Variants in RELN observed in about 807,000 individuals in gnomAD.
RELN encodes the protein reelin.
In RELN, 108 loss-of-function variants were observed where a neutral mutation model predicts 427.6. The observed-to-expected ratio is 0.25, with a 90% confidence interval of 0.22 to 0.30. The LOEUF (loss-of-function observed/expected upper bound fraction) is 0.30. Ranked by LOEUF, RELN falls within the 10% of genes least tolerant of loss-of-function variation. The pLI, the probability that RELN is intolerant of heterozygous loss-of-function variation, is 1.00. For missense variants in RELN, 3,715 were observed against 4,302.8 expected, an observed-to-expected ratio of 0.86 and a Z score of 3.82; for synonymous variants, 1,524 against 1,513.4, an observed-to-expected ratio of 1.01 and a Z score of -0.16.
At chr7:103,587,914 G>C (rs1831314582) in intron 28 of RELN, among the ~76,000 whole-genome samples, 1 of 152,086 alleles carries the variant, frequency 6.6e-6, no homozygotes, top group South Asian at 2.1e-4. Context: ...ATGAAGAAAA[G>C]GGAACTCTTA....
At chr7:103,624,639 G>T (rs945703167) in intron 20 of RELN, among the ~76,000 whole-genome samples, 2 of 152,104 alleles carry the variant, frequency 1.3e-5, no homozygotes, top group Non-Finnish European at 2.9e-5. Flanking sequence ...GGTTGGCCAG[G>T]CTGGTCTCGA....
intron 51 of RELN, among the ~76,000 whole-genome samples, chr7:103,507,029 T>C (rs888154351): frequency 2.6e-5 from 4 of 152,304 alleles, no homozygotes; most frequent in Middle Eastern, 3.4e-3. Flanking sequence ...CCCAGATTCA[T>C]AAAGCAACTT....
rs562415740 is a variant in RELN at position 103,737,967 on chromosome 7, C to T, written c.657-9760G>A. ...TATTTGTGGCTTTCTTGATGTTTCA[C>T]ATCTCTGTTGGCATCACAACCCAGT... On this transcript the variant is annotated intron_variant, in intron 6 of 64. Transcript: ENST00000428762. 2.6e-5 allele frequency among the ~76,000 whole-genome samples: 4 copies of T among 152,026 alleles called. No individual in the cohort carries two copies. In the South Asian group the frequency reaches 8.3e-4, roughly 32 times the overall value.
intron 8 of RELN, among the ~76,000 whole-genome samples, chr7:103,715,603 A>G (rs1360047975): frequency 6.6e-6 from 1 of 152,202 alleles, no homozygotes; most frequent in African/African-American, 2.4e-5. Flanking sequence ...CACAGGATAT[A>G]AAATGAACAG....
chr7:103,544,524 C>T (rs992343319), intron 42 of RELN, among the ~76,000 whole-genome samples: 4 of 151,860 alleles, frequency 2.6e-5, no homozygotes, highest in Admixed American at 1.3e-4. Context: ...TGCACCAGGC[C>T]GAAAGAAAAT....
At chr7:103,641,581 G>A (rs1025268162) in intron 16 of RELN, among the ~76,000 whole-genome samples, 1 of 152,094 alleles carries the variant, frequency 6.6e-6, no homozygotes, top group African/African-American at 2.4e-5. Flanking sequence ...CTTCACTCAG[G>A]AAATTCTGAT....
intron 2 of RELN, among the ~76,000 whole-genome samples, chr7:103,867,249 G>A (rs552497839): frequency 3.9e-5 from 6 of 151,992 alleles, no homozygotes; most frequent in East Asian, 1.9e-4. Context: ...CAGTCAAACC[G>A]TGAAACAGTA....
chr7:103,520,063 T>C (rs1294385480), intron 48 of RELN, among the ~76,000 whole-genome samples: 1 of 152,156 alleles, frequency 6.6e-6, no homozygotes, highest in African/African-American at 2.4e-5. Context: ...TTTTCCTTTT[T>C]TTTAATATGA....
chr7:103,511,107 G>A (rs1240562307), intron 50 of RELN, 102 bp from the exon 51 acceptor site: 1 of 788,874 alleles, frequency 1.3e-6, no homozygotes, highest in Non-Finnish European at 2.2e-6. Context: ...AGTAGAAACT[G>A]CTCATATTAT....
At chr7:103,762,604 C>A (rs946059581) in intron 4 of RELN, among the ~76,000 whole-genome samples, 5 of 152,204 alleles carry the variant, frequency 3.3e-5, no homozygotes, top group African/African-American at 1.2e-4. Flanking sequence ...CAATGTCTCA[C>A]ACATGGCAGT....
chr7:103,611,560 G>A, intron 21 of RELN, 51 bp downstream of exon 21: 3 of 1,400,902 alleles, frequency 2.1e-6, no homozygotes, highest in Non-Finnish European at 2.0e-6. Context: ...TGGCTTCCTA[G>A]GTAAAAGGCA....
At chr7:103,719,469 G>A (rs1790021811) in intron 8 of RELN, among the ~76,000 whole-genome samples, 1 of 152,172 alleles carries the variant, frequency 6.6e-6, no homozygotes, top group Non-Finnish European at 1.5e-5. Flanking sequence ...TGCTCTCTAT[G>A]TACCCAGTGC....
chr7:103,930,563 C>A (rs1056928263), intron 1 of RELN, among the ~76,000 whole-genome samples: 1 of 151,900 alleles, frequency 6.6e-6, no homozygotes, highest in African/African-American at 2.4e-5. Context: ...ACTCCTGGGC[C>A]AAGTGATCTT....
At chr7:103,489,988 T>C in intron 59 of RELN, 89 bp from the exon 60 acceptor site, 2 of 1,506,848 alleles carry the variant, frequency 1.3e-6, no homozygotes, top group Non-Finnish European at 1.8e-6. Flanking sequence ...GAGGGGACTA[T>C]TTGTGAGAAA....
chr7:103,810,674 A>G (rs963694434), intron 3 of RELN, among the ~76,000 whole-genome samples: 2 of 152,160 alleles, frequency 1.3e-5, no homozygotes, highest in Non-Finnish European at 2.9e-5. Flanking sequence ...AAAAAAAACA[A>G]AAACAAAAAA....
At chr7:103,608,855 T>C (rs907451761) in intron 22 of RELN, among the ~76,000 whole-genome samples, 3 of 152,188 alleles carry the variant, frequency 2.0e-5, no homozygotes, top group Admixed American at 2.0e-4. Context: ...GACAACACTT[T>C]CTGAATTTGC....
intron 27 of RELN, among the ~76,000 whole-genome samples, chr7:103,591,091 A>T (rs1236212214): frequency 6.6e-6 from 1 of 152,250 alleles, no homozygotes; most frequent in African/African-American, 2.4e-5. Flanking sequence ...TTCCAAATAA[A>T]TGTGTAAATG....
At chr7:103,864,245 A>G (rs1349285523) in intron 2 of RELN, among the ~76,000 whole-genome samples, 2 of 152,312 alleles carry the variant, frequency 1.3e-5, no homozygotes, top group Non-Finnish European at 2.9e-5. Flanking sequence ...TCAGACCTAC[A>G]TGTATGTGGT....
At chr7:103,918,942 G>A (rs1441944438) in intron 1 of RELN, among the ~76,000 whole-genome samples, 3 of 151,964 alleles carry the variant, frequency 2.0e-5, no homozygotes, top group Admixed American at 6.6e-5. Flanking sequence ...ATGCTTACAC[G>A]AATCATCTAA....
Sources: gnomAD v4.1 joint callset for allele counts (sites outside exome capture counted in the v4.1 genomes callset) on GRCh38, gnomAD v4.1.1 for gene constraint, MANE v1.5 for transcripts, NCBI Gene and HGNC (gene_info 2026-07-23, HGNC 2026-07-21) for gene names.